CNTNAP2: variants seen among roughly 807,000 people sequenced by gnomAD.
CNTNAP2 encodes contactin associated protein 2.
A neutral mutation model predicts 155.2 loss-of-function variants in CNTNAP2; 98 were observed. The ratio of observed to expected loss-of-function variants is 0.63; its 90% CI spans 0.54 to 0.75. The LOEUF is 0.75. Ranked by LOEUF, CNTNAP2 falls within the 30% of genes least tolerant of loss-of-function variation. The pLI, the probability that CNTNAP2 is intolerant of heterozygous loss-of-function variation, is 0.00. For synonymous variants in CNTNAP2, 651 were observed against 631.2 expected, an observed-to-expected ratio of 1.03 and a Z score of -0.47; for missense variants, 1,727 against 1,688.1, an observed-to-expected ratio of 1.02 and a Z score of -0.40.
intron 8 of CNTNAP2, among the ~76,000 whole-genome samples, chr7:147,203,824 C>A (rs1035109270): frequency 6.6e-6 from 1 of 151,908 alleles, no homozygotes; most frequent in Non-Finnish European, 1.5e-5. Context: ...CAAGAGTTTC[C>A]CTGATAAGCT....
intron 1 of CNTNAP2, among the ~76,000 whole-genome samples, chr7:146,706,351 G>C (rs1800965204): frequency 6.6e-6 from 1 of 151,984 alleles, no homozygotes. Flanking sequence ...GAAAGTAAGT[G>C]AATATAATTC....
At chr7:147,842,469 T>G (rs577938879) in intron 13 of CNTNAP2, among the ~76,000 whole-genome samples, 2 of 152,102 alleles carry the variant, frequency 1.3e-5, no homozygotes, top group African/African-American at 4.8e-5. Flanking sequence ...TATAAGTATA[T>G]GCAGCTCTGA....
intron 3 of CNTNAP2, among the ~76,000 whole-genome samples, chr7:146,861,320 T>C (rs1225996874): frequency 1.3e-5 from 2 of 152,170 alleles, no homozygotes; most frequent in African/African-American, 4.8e-5. Context: ...CCCAAAGTGC[T>C]GGGACTATAG....
At chr7:146,698,276 A>G (rs901402841) in intron 1 of CNTNAP2, among the ~76,000 whole-genome samples, 7 of 151,894 alleles carry the variant, frequency 4.6e-5, no homozygotes, top group Non-Finnish European at 7.4e-5. Context: ...TGTAGATCCA[A>G]TTTTCTAATC....
At chr7:146,475,013 G>GCACACACACA (rs60787049) in intron 1 of CNTNAP2, among the ~76,000 whole-genome samples, 111 of 144,382 alleles carry the variant, frequency 7.7e-4, no homozygotes, top group Non-Finnish European at 1.3e-3. Flanking sequence ...GCGCGCGCGC[G>GCACACACACA]CACACACACA....
intron 13 of CNTNAP2, among the ~76,000 whole-genome samples, chr7:147,890,600 T>C (rs768710553): frequency 1.3e-5 from 2 of 152,166 alleles, no homozygotes; most frequent in Non-Finnish European, 2.9e-5. Context: ...CAAGCGTCCA[T>C]GAATGGATGA....
chr7:146,272,736 G>A (rs1395728181), intron 1 of CNTNAP2, among the ~76,000 whole-genome samples: 1 of 152,114 alleles, frequency 6.6e-6, no homozygotes, highest in Non-Finnish European at 1.5e-5. Context: ...GAAGTCAGAG[G>A]CAATAGATTG....
chr7:147,715,100 T>A (rs937019018), intron 13 of CNTNAP2, among the ~76,000 whole-genome samples: 3 of 152,118 alleles, frequency 2.0e-5, no homozygotes, highest in Admixed American at 6.5e-5. Flanking sequence ...ATTTGAGTAG[T>A]TTATGTTTTG....
rs5888239 is a variant in CNTNAP2 at position 147,148,389 on chromosome 7, CA to C, written c.1348+15899del. The stretch of plus-strand genomic sequence containing the variant: ...TGGGCGACAGAGCGAGACTCCGTCT[CA>C]AAAAAAAAAAAAAAAAAAGTGGTGG... On this transcript the variant is annotated intron_variant, in intron 8 of 23. Coordinates refer to ENST00000361727, the MANE Select transcript of CNTNAP2 (RefSeq NM_014141.6). 7.2e-3 allele frequency among the ~76,000 whole-genome samples: 587 copies of C among 81,702 alleles called. 2 individuals are homozygous for C. Among genetic ancestry groups the C allele is most frequent in the East Asian group, 0.028 (73 of 2,646 alleles). 53.6% of individuals were successfully genotyped at this position (81,702 alleles called of 152,430 possible).
intron 13 of CNTNAP2, among the ~76,000 whole-genome samples, chr7:147,725,986 C>A (rs1796634959): frequency 6.6e-6 from 1 of 151,852 alleles, no homozygotes; most frequent in African/African-American, 2.4e-5. Context: ...TTCTTTTTAA[C>A]AAGAAAACAA....
intron 1 of CNTNAP2, among the ~76,000 whole-genome samples, chr7:146,619,463 GAATTT>G (rs1448908298): frequency 2.0e-5 from 3 of 152,152 alleles, no homozygotes; most frequent in Admixed American, 1.3e-4. Context: ...TAACTTTGTT[GAATTT>G]AATTATTCAA....
intron 12 of CNTNAP2, among the ~76,000 whole-genome samples, chr7:147,602,395 T>C (rs1800966249): frequency 6.6e-6 from 1 of 151,978 alleles, no homozygotes; most frequent in African/African-American, 2.4e-5. Flanking sequence ...ACATATTTTA[T>C]TTAACCCAAT....
chr7:147,860,765 G>A (rs748001351), intron 13 of CNTNAP2, among the ~76,000 whole-genome samples: 7 of 151,924 alleles, frequency 4.6e-5, no homozygotes, highest in Middle Eastern at 6.3e-3. Flanking sequence ...ATAAATTACC[G>A]AGTCTCAGGT....
Position 146,800,084 on chromosome 7 carries a change from T to C in CNTNAP2, c.208+25703T>C, listed in dbSNP as rs182902756. 7.2e-5 allele frequency among the ~76,000 whole-genome samples: 11 copies of C among 152,218 alleles called. 1 individual carries two copies. The South Asian group carries it at 1.2e-3, about 17-fold the overall frequency. Reference sequence around the variant, plus strand: ...TGCATTTGGAATTATTAGTAACTAATATGATATATTCTTTTGTAATAACTA... The same window carrying C: ...TGCATTTGGAATTATTAGTAACTAACATGATATATTCTTTTGTAATAACTA... On this transcript the variant is annotated intron_variant, in intron 2 of 23. Coordinates refer to ENST00000361727, the MANE Select transcript of CNTNAP2 (RefSeq NM_014141.6).
chr7:146,790,812 G>T (rs796422298), intron 2 of CNTNAP2, among the ~76,000 whole-genome samples: 10 of 151,830 alleles, frequency 6.6e-5, no homozygotes, highest in African/African-American at 1.7e-4. Context: ...CTTGTGATCC[G>T]CCCACCTCGG....
At chr7:147,434,844 C>T (rs529202825) in intron 10 of CNTNAP2, among the ~76,000 whole-genome samples, 1 of 152,348 alleles carries the variant, frequency 6.6e-6, no homozygotes, top group South Asian at 2.1e-4. Flanking sequence ...GCTGCCCAGA[C>T]TCCTCTTCCT....
intron 12 of CNTNAP2, among the ~76,000 whole-genome samples, chr7:147,611,705 C>T (rs934456626): frequency 1.9e-4 from 29 of 152,172 alleles, no homozygotes; most frequent in African/African-American, 7.0e-4. Flanking sequence ...ACTTTGAGCT[C>T]ATTTCCTCAG....
At chr7:148,158,259 T>TG (rs200133943) in intron 17 of CNTNAP2, among the ~76,000 whole-genome samples, 1,214 of 115,494 alleles carry the variant, frequency 0.011, 28 homozygotes, top group East Asian at 0.076. Context: ...AGTCTCCCTC[T>TG]GTTACCAGGC....
intron 1 of CNTNAP2, among the ~76,000 whole-genome samples, chr7:146,356,454 AG>A (rs1794999684): frequency 6.6e-6 from 1 of 152,050 alleles, no homozygotes; most frequent in African/African-American, 2.4e-5. Context: ...GGGGTGTGGG[AG>A]GTGTGTACTT....
Sources: gnomAD v4.1 joint callset for allele counts (sites outside exome capture counted in the v4.1 genomes callset) on GRCh38, gnomAD v4.1.1 for gene constraint, MANE v1.5 for transcripts, NCBI Gene and HGNC (gene_info 2026-07-23, HGNC 2026-07-21) for gene names.